ESR1: variants seen among roughly 807,000 people sequenced by gnomAD.
The protein encoded by ESR1 is estrogen receptor 1.
A neutral mutation model predicts 52.7 loss-of-function variants in ESR1; 12 were observed. The ratio of observed to expected loss-of-function variants is 0.23; its 90% confidence interval spans 0.15 to 0.37. The LOEUF (loss-of-function observed/expected upper bound fraction) is 0.37, where lower values mean the gene tolerates loss of function less well. Ranked by LOEUF, ESR1 falls within the 10% of genes least tolerant of loss-of-function variation. The probability of loss-of-function intolerance (pLI) is 1.00; values close to 1 mark genes in which losing one functional copy is unlikely to be tolerated. For synonymous variants in ESR1, 305 were observed against 316.8 expected, an observed-to-expected ratio of 0.96 and a Z score of 0.39; for missense variants, 584 against 779.7, an observed-to-expected ratio of 0.75 and a Z score of 2.99.
rs2050977620 is a variant in ESR1, at chr6:152,101,979, T to G, written c.*3013T>G. 4.6e-6 allele frequency: 1 copy of G among 215,350 alleles called. No homozygotes were observed. Among genetic ancestry groups the G allele is most frequent in the Admixed American group, 5.8e-5 (1 of 17,112 alleles). 13.3% of individuals were successfully genotyped at this position (215,350 alleles called of 1,614,324 possible). The stretch of plus-strand genomic sequence containing the variant: ...TGGAATAGCTAGTGGTCTGTGTTTC[T>G]TTTCGCCATTGCCTAGCTTGCCGTA... On this transcript the variant is annotated 3_prime_UTR_variant, in exon 8 of 8. Coordinates refer to ENST00000206249, the MANE Select transcript of ESR1 (RefSeq NM_000125.4).
intron 4 of ESR1, among the ~76,000 whole-genome samples, chr6:151,950,376 T>C (rs1375744065): frequency 1.2e-4 from 18 of 152,114 alleles, no homozygotes; most frequent in Admixed American, 1.2e-3. Context: ...GCATGGAGAA[T>C]GTGTGTTTTA....
At chr6:151,836,033 T>G (rs1783275768) in intron 1 of ESR1, among the ~76,000 whole-genome samples, 2 of 152,146 alleles carry the variant, frequency 1.3e-5, no homozygotes, top group Non-Finnish European at 2.9e-5. Flanking sequence ...CAGGATGAGT[T>G]TGAGGAATGA....
chr6:151,834,132 C>G (rs1296674888), intron 1 of ESR1, among the ~76,000 whole-genome samples: 2 of 152,182 alleles, frequency 1.3e-5, no homozygotes, highest in Non-Finnish European at 2.9e-5. Context: ...TTGTGGAAGA[C>G]AGTGTGATGA....
intron 5 of ESR1, among the ~76,000 whole-genome samples, chr6:152,056,548 GA>G (rs2047121145): frequency 6.6e-6 from 1 of 152,208 alleles, no homozygotes; most frequent in Non-Finnish European, 1.5e-5. Context: ...TGGAGGAAGA[GA>G]TGCCTTAGGG....
At chr6:151,704,391 A>G (rs1273730369) in intron 2 of ESR1, among the ~76,000 whole-genome samples, 1 of 152,142 alleles carries the variant, frequency 6.6e-6, no homozygotes, top group African/African-American at 2.4e-5. Flanking sequence ...GGTGCCCGCC[A>G]CCACACCCAG....
intron 7 of ESR1, chr6:152,096,628 TAAG>T (rs1192034845): frequency 4.4e-6 from 2 of 455,844 alleles, no homozygotes; most frequent in Non-Finnish European, 4.4e-6. Flanking sequence ...TTCTACTTGG[TAAG>T]AAGGTGATTG....
intron 4 of ESR1, among the ~76,000 whole-genome samples, chr6:151,977,950 G>A: frequency 4.9e-5 from 4 of 82,238 alleles, no homozygotes; most frequent in East Asian, 3.2e-4. Flanking sequence ...TGAGACAGCA[G>A]GAAAAAAAAA....
intron 4 of ESR1, among the ~76,000 whole-genome samples, chr6:151,951,691 C>T (rs1311569614): frequency 6.6e-6 from 1 of 152,174 alleles, no homozygotes; most frequent in African/African-American, 2.4e-5. Flanking sequence ...TCACTTTTCC[C>T]ATCTGTCCTC....
intron 1 of ESR1, among the ~76,000 whole-genome samples, chr6:151,667,516 T>C (rs1035617020): frequency 6.6e-6 from 1 of 152,220 alleles, no homozygotes; most frequent in East Asian, 1.9e-4. Flanking sequence ...TCTTCTATAA[T>C]TTTGTATCTA....
intron 4 of ESR1, among the ~76,000 whole-genome samples, chr6:151,986,104 G>GTGC (rs1273317349): frequency 6.6e-6 from 1 of 152,110 alleles, no homozygotes; most frequent in East Asian, 1.9e-4. Context: ...GAGCGGCTCA[G>GTGC]TGCTGCTGCT....
At chr6:152,117,123 A>G (rs2051219797) in intron 6 of ESR1, among the ~76,000 whole-genome samples, 1 of 152,218 alleles carries the variant, frequency 6.6e-6, no homozygotes, top group Non-Finnish European at 1.5e-5. Flanking sequence ...ACCCACTCTG[A>G]AAGCCATGGC....
At chr6:151,736,388 T>TTTTTTTTTTTTTTTTA (rs1454903252) in intron 2 of ESR1, among the ~76,000 whole-genome samples, 1 of 149,170 alleles carries the variant, frequency 6.7e-6, no homozygotes, top group Non-Finnish European at 1.5e-5. Context: ...TTTTTTTTTT[T>TTTTTTTTTTTTTTTTA]TTGAGATGGA....
intron 3 of ESR1, among the ~76,000 whole-genome samples, chr6:151,886,211 T>C (rs1424910563): frequency 6.6e-6 from 1 of 152,184 alleles, no homozygotes; most frequent in Admixed American, 6.5e-5. Flanking sequence ...AGATGTGTTA[T>C]TTATCATTTT....
chr6:151,803,915 A>G (rs1010312463), upstream of ESR1, among the ~76,000 whole-genome samples: 3 of 152,166 alleles, frequency 2.0e-5, no homozygotes, highest in African/African-American at 7.2e-5. Context: ...ATGGTGACTC[A>G]TATTTGAACA....
intron 4 of ESR1, among the ~76,000 whole-genome samples, chr6:151,988,742 A>T (rs1277820007): frequency 1.3e-5 from 2 of 152,048 alleles, no homozygotes; most frequent in Non-Finnish European, 2.9e-5. Flanking sequence ...ATGTTAAAAA[A>T]TTCCCTCCAA....
intron 4 of ESR1, among the ~76,000 whole-genome samples, chr6:152,000,617 TG>T (rs1444013485): frequency 2.6e-5 from 4 of 152,028 alleles, no homozygotes; most frequent in Admixed American, 1.3e-4. Flanking sequence ...CTTGTCATCA[TG>T]AGATGGAATA....
At chr6:151,995,717 G>A (rs1310409124) in intron 4 of ESR1, among the ~76,000 whole-genome samples, 1 of 152,086 alleles carries the variant, frequency 6.6e-6, no homozygotes, top group Non-Finnish European at 1.5e-5. Flanking sequence ...GAAGGTGGGT[G>A]CCCTAAAAAT....
Position 152,008,888 on chromosome 6 carries a change from T to A in ESR1, c.1097-2768T>A, listed in dbSNP as rs559149282. ...AAAATTGGGGTGAAATCTTAAAGAA[T>A]TATGAAATTAAGAAATGAAACCAGA... On this transcript the variant is annotated intron_variant, in intron 4 of 7. Transcript: ENST00000206249. 4.7e-3 allele frequency among the ~76,000 whole-genome samples: 715 copies of A among 152,190 alleles called. 2 individuals are homozygous for A. The highest frequency in any genetic ancestry group is 8.1e-3 in the South Asian group (39 of 4,832).
intron 4 of ESR1, among the ~76,000 whole-genome samples, chr6:152,007,732 G>A (rs2042441427): frequency 6.6e-6 from 1 of 152,072 alleles, no homozygotes; most frequent in Non-Finnish European, 1.5e-5. Flanking sequence ...TGGCCCCCAT[G>A]TCATTGAGAT....
Sources: allele counts gnomAD v4.1 joint callset (sites outside exome capture counted in the v4.1 genomes callset), GRCh38; gene constraint gnomAD v4.1.1; transcripts MANE v1.5; gene names NCBI Gene and HGNC (gene_info 2026-07-23, HGNC 2026-07-21).